UNC80: variants seen among roughly 807,000 people sequenced by gnomAD.
The protein encoded by UNC80 is protein unc-80 homolog.
In UNC80, 164 loss-of-function variants were observed where a neutral mutation model predicts 384.6. That is an observed-to-expected ratio of 0.43 (90% CI 0.38 to 0.49). The LOEUF is 0.49. Among genes scored for constraint, UNC80 ranks in the 20% least tolerant of loss-of-function variants. The pLI is 0.00. For missense variants in UNC80, 3,330 were observed against 4,143.0 expected (o/e 0.80, Z 5.39); for synonymous variants, 1,486 against 1,527.8 (o/e 0.97, Z 0.64).
intron 21 of UNC80, among the ~76,000 whole-genome samples, chr2:209,845,564 T>G (rs1409803081): frequency 1.3e-5 from 2 of 152,204 alleles, no homozygotes; most frequent in Non-Finnish European, 2.9e-5. Context: ...ATATGGAATA[T>G]TCATAGAGCC....
At chr2:209,918,741 C>G in intron 33 of UNC80, 78 bp downstream of exon 33, 1 of 1,406,768 alleles carries the variant, frequency 7.1e-7, no homozygotes, top group South Asian at 1.7e-5. Flanking sequence ...TTTGTTCATT[C>G]TCATCATAAG....
In UNC80 at chr2:209,984,887, CTGGCCGCCG is replaced by C; in HGVS notation, c.9290_9298del (p.Leu3097_Glu3100delinsGln). 1 of 1,550,998 alleles carries C rather than the reference CTGGCCGCCG, an allele frequency of 6.4e-7. No homozygotes were observed. The highest frequency in any genetic ancestry group is 8.7e-7 in the Non-Finnish European group (1 of 1,146,692). Reference sequence around the variant, plus strand: ...TAATGTCCTCGATGACTCCCAGGGCCTGGCCGCCGAGGGCAGCCTCTCTAGGTACAGTGT... The same window carrying C: ...TAATGTCCTCGATGACTCCCAGGGCCAGGGCAGCCTCTCTAGGTACAGTGT... On this transcript the variant is annotated inframe_deletion, in exon 61 of 65. Transcript: ENST00000673920.
chr2:209,896,838 A>G (rs950734168), intron 28 of UNC80, among the ~76,000 whole-genome samples: 10 of 152,114 alleles, frequency 6.6e-5, no homozygotes, highest in African/African-American at 1.7e-4. Flanking sequence ...AAGATGGTGA[A>G]TGTCGTATGT....
chr2:209,809,242 G>C (rs2079152689), intron 7 of UNC80: 1 of 708,098 alleles, frequency 1.4e-6, no homozygotes, highest in Admixed American at 2.0e-5. Context: ...GTTTCAAAAA[G>C]CCTTCAACTG....
At chr2:209,992,023 C>T (rs1464170434) in intron 61 of UNC80, 143 bp from the exon 62 acceptor site, 1 of 591,750 alleles carries the variant, frequency 1.7e-6, no homozygotes, top group Non-Finnish European at 2.8e-6. Flanking sequence ...AAACACCCAT[C>T]CCAGGGACTC....
At chr2:209,873,165 C>T (rs2084455279) in intron 23 of UNC80, among the ~76,000 whole-genome samples, 195 bp downstream of exon 23, 1 of 152,170 alleles carries the variant, frequency 6.6e-6, no homozygotes, top group South Asian at 2.1e-4. Context: ...ACATTACTAT[C>T]TCTGTTTTAC....
chr2:209,878,328 T>C (rs2084962837), intron 24 of UNC80, among the ~76,000 whole-genome samples: 1 of 152,156 alleles, frequency 6.6e-6, no homozygotes, highest in Non-Finnish European at 1.5e-5. Context: ...AGATGGAACA[T>C]TTATTCTTTT....
At chr2:209,961,233 T>G (rs1027071015) in intron 51 of UNC80, 3 of 152,062 alleles carry the variant, frequency 2.0e-5, no homozygotes, top group African/African-American at 7.2e-5. Context: ...CCAATACCTA[T>G]TAAAGGTTAA....
At chr2:209,922,789 A>T (rs956496198) in intron 35 of UNC80, among the ~76,000 whole-genome samples, 10 of 150,390 alleles carry the variant, frequency 6.6e-5, no homozygotes, top group African/African-American at 2.5e-4. Context: ...AGTGTGTGTC[A>T]CTAGTTTTTG....
At chr2:209,964,546 T>C (rs543739406) in intron 51 of UNC80, among the ~76,000 whole-genome samples, 1 of 152,244 alleles carries the variant, frequency 6.6e-6, no homozygotes, top group South Asian at 2.1e-4. Context: ...CCCAGCACTT[T>C]GGGAGGACGA....
intron 3 of UNC80, 108 bp downstream of exon 3, chr2:209,776,153 A>G (rs1488318630): frequency 3.7e-6 from 5 of 1,342,822 alleles, no homozygotes; most frequent in South Asian, 1.7e-5. Flanking sequence ...CACTGTGCAT[A>G]TATTATCTCA....
chr2:209,774,755 G>A (rs943560938), intron 2 of UNC80, among the ~76,000 whole-genome samples: 11 of 152,010 alleles, frequency 7.2e-5, no homozygotes, highest in Non-Finnish European at 1.6e-4. Context: ...CATATCTAAA[G>A]GCCTTTATCT....
intron 28 of UNC80, 100 bp from the exon 29 acceptor site, chr2:209,904,659 TCCAGGG>T: frequency 6.1e-6 from 6 of 976,206 alleles, no homozygotes; most frequent in Non-Finnish European, 9.4e-6. Context: ...TCAAGACACA[TCCAGGG>T]AAGCTGACAT....
chr2:209,896,325 G>C lies in UNC80; in HGVS notation c.4493G>C (p.Trp1498Ser), dbSNP rs776975103. 1.3e-6 allele frequency: 2 copies of C among 1,551,658 alleles called. No homozygotes were observed. Among genetic ancestry groups the C allele is most frequent in the South Asian group, 1.2e-5 (1 of 84,062 alleles). The change falls in exon 28 of 65, where the codon TGG becomes TCG. Residue 1498 changes from tryptophan (W) to serine (S), a missense_variant. This residue lies in a region of UNC80 where 801 missense variants were observed against 950.8 expected (regional missense o/e 0.84). Transcript: ENST00000673920. ...TTTTCTTTTGAAGAAGGGAGTCCTT[G>C]GAGTGCAAGCGAGCCCAGCATTGAG... ...DTVTDLEGSP[W>S]SASEPSIEPE... is the part of the protein sequence containing the mutation.
rs185529737 is a variant in UNC80 at position 209,910,893 on chromosome 2, G to A, written c.4783-1667G>A. Among the ~76,000 whole-genome samples the A allele has an allele frequency of 1.6e-4, 24 of 152,192 alleles. No homozygotes were observed. In the East Asian group the frequency reaches 4.4e-3, roughly 28 times the overall value. On this transcript the variant is annotated intron_variant, in intron 29 of 64. Coordinates refer to ENST00000673920, the MANE Select transcript of UNC80 (RefSeq NM_001371986.1). ...CATTTAAAATTGTGTGCCACACATA[G>A]CATCATCACAGTTGTGCTAAGATGC...
Position 209,995,981 on chromosome 2 carries a change from T to C in UNC80, c.*386T>C, listed in dbSNP as rs1451087707. On this transcript the variant is annotated 3_prime_UTR_variant, in exon 65 of 65. Coordinates refer to ENST00000673920, the MANE Select transcript of UNC80 (RefSeq NM_001371986.1). ...CAATTTTTTGAGATTACTCACATTA[T>C]ACATCTCATGCAAATATTTATTTTT... 1 of 159,766 alleles carries C rather than the reference T, an allele frequency of 6.3e-6. No individual in the cohort carries two copies. Among genetic ancestry groups the C allele is most frequent in the Admixed American group, 6.1e-5 (1 of 16,420 alleles). The allele number at this position is 159,766 out of a possible 1,614,324, so 9.9% of individuals were successfully genotyped here.
At chr2:209,849,697 C>T (rs2082387619) in intron 22 of UNC80, 74 bp downstream of exon 22, 2 of 1,403,920 alleles carry the variant, frequency 1.4e-6, no homozygotes. Context: ...AAGCATGATT[C>T]CCCAATTGTA....
intron 31 of UNC80, among the ~76,000 whole-genome samples, chr2:209,916,413 A>G (rs925241129): frequency 6.6e-6 from 1 of 152,214 alleles, no homozygotes; most frequent in Non-Finnish European, 1.5e-5. Flanking sequence ...GTATACAAAT[A>G]CCATTGGATC....
intron 33 of UNC80, 92 bp downstream of exon 33, chr2:209,918,755 G>C (rs1050373283): frequency 1.6e-5 from 22 of 1,349,076 alleles, no homozygotes; most frequent in Non-Finnish European, 2.0e-5. Context: ...TCATAAGAAT[G>C]TAATAATAAC....
Sources: gnomAD v4.1 joint callset for allele counts (sites outside exome capture counted in the v4.1 genomes callset) on GRCh38, gnomAD v4.1.1 for gene constraint, gnomAD v4.1.1 regional missense constraint, MANE v1.5 for transcripts, NCBI Gene and HGNC (gene_info 2026-07-23, HGNC 2026-07-21) for gene names.